The following HTT variants were observed in gnomAD, a reference collection of about 807,000 sequenced individuals.
The protein encoded by HTT is huntingtin.
A neutral mutation model predicts 362.3 loss-of-function variants in HTT; 104 were observed. The observed-to-expected ratio is 0.29, with a 90% CI of 0.24 to 0.34. The LOEUF (loss-of-function observed/expected upper bound fraction) is 0.34, where lower values mean the gene tolerates loss of function less well. Among genes scored for constraint, HTT ranks in the 10% least tolerant of loss-of-function variants. The pLI, the probability that HTT is intolerant of heterozygous loss-of-function variation, is 1.00. For missense variants in HTT, 3,301 were observed against 3,928.6 expected, an observed-to-expected ratio of 0.84 and a Z score of 4.27; for synonymous variants, 1,577 against 1,548.7, an observed-to-expected ratio of 1.02 and a Z score of -0.43.
At chr4:3,123,582 CAG>C (rs1715394462) in intron 10 of HTT, 1 of 152,180 alleles carries the variant, frequency 6.6e-6, no homozygotes, top group Non-Finnish European at 1.5e-5. Context: ...AGCTGCTGCT[CAG>C]GGGGCTGAGG....
At chr4:3,238,731 C>CG in intron 65 of HTT, 87 bp from the exon 66 acceptor site, 2 of 636,690 alleles carry the variant, frequency 3.1e-6, no homozygotes, top group Non-Finnish European at 5.2e-6. Context: ...ATGCCTCTGG[C>CG]CCCCACCCCA....
chr4:3,233,090 C>T (rs1444666786), intron 60 of HTT, 73 bp from the exon 61 acceptor site: 4 of 1,323,938 alleles, frequency 3.0e-6, no homozygotes, highest in Non-Finnish European at 3.2e-6. Context: ...GCGCCCCCGC[C>T]TCGGCTGTGG....
Position 3,074,935 on chromosome 4 carries a change from A to ACCGCCGCCGCCGCC in HTT, c.110_111insCCGCCGCCGCCGCC (p.Gln37HisfsTer69). The ACCGCCGCCGCCGCC allele has an allele frequency of 8.0e-7, 1 of 1,242,510 alleles. No homozygotes were observed. The highest frequency in any genetic ancestry group is 1.1e-6 in the Non-Finnish European group (1 of 936,360). The allele number at this position is 1,242,510 out of a possible 1,614,324, so 77.0% of individuals were successfully genotyped here. On this transcript the variant is annotated frameshift_variant, in exon 1 of 67. Coordinates refer to ENST00000355072, the MANE Select transcript of HTT (RefSeq NM_001388492.1). LOFTEE classifies it high-confidence loss of function. ...CAGCAGCAGCAGCAGCAGCAGCAGCAACAGCCGCCACCGCCGCCGCCGCCG... is the reference window on the plus strand; with the variant it reads ...CAGCAGCAGCAGCAGCAGCAGCAGCACCGCCGCCGCCGCCACAGCCGCCACCGCCGCCGCCGCCG...
At chr4:3,196,714 G>T (rs1036523467) in intron 40 of HTT, among the ~76,000 whole-genome samples, 6 of 150,988 alleles carry the variant, frequency 4.0e-5, no homozygotes, top group African/African-American at 1.2e-4. Context: ...CTCCAGTCTG[G>T]TCAAACAGAG....
intron 51 of HTT, among the ~76,000 whole-genome samples, chr4:3,216,697 C>T (rs925798313): frequency 6.6e-6 from 1 of 152,166 alleles, no homozygotes; most frequent in East Asian, 1.9e-4. Flanking sequence ...TTTTTAATCA[C>T]CTCGATAGGA....
intron 21 of HTT, among the ~76,000 whole-genome samples, chr4:3,136,854 G>A (rs1017761127): frequency 4.0e-5 from 6 of 151,754 alleles, no homozygotes; most frequent in African/African-American, 1.5e-4. Flanking sequence ...ATACATAAAT[G>A]TTTGTGTATA....
At chr4:3,164,680 T>C (rs1578552630) in intron 29 of HTT, among the ~76,000 whole-genome samples, 1 of 152,244 alleles carries the variant, frequency 6.6e-6, no homozygotes, top group African/African-American at 2.4e-5. Context: ...TGTAATGGCC[T>C]TCTTTGTCTC....
At chr4:3,084,339 G>A (rs988335947) in intron 1 of HTT, among the ~76,000 whole-genome samples, 3 of 151,464 alleles carry the variant, frequency 2.0e-5, no homozygotes, top group Non-Finnish European at 4.4e-5. Flanking sequence ...CATGTTCAGA[G>A]TGAAACAAAC....
intron 1 of HTT, among the ~76,000 whole-genome samples, chr4:3,084,487 C>T (rs1037782671): frequency 3.3e-5 from 5 of 151,358 alleles, no homozygotes; most frequent in African/African-American, 9.7e-5. Context: ...GTCAGGAGTT[C>T]GAGACCAGCC....
intron 27 of HTT, among the ~76,000 whole-genome samples, chr4:3,155,297 G>A (rs1717086431): frequency 6.6e-6 from 1 of 151,482 alleles, no homozygotes; most frequent in African/African-American, 2.4e-5. Context: ...TCTCGGCTCA[G>A]TGCAAGCTCT....
rs1011211829 is a variant in HTT at position 3,242,588 on chromosome 4, A to G, written c.*2529A>G. 2 of 152,216 alleles carry G rather than the reference A, an allele frequency of 1.3e-5. No individual in the cohort carries two copies. Among genetic ancestry groups the G allele is most frequent in the Non-Finnish European group, 2.9e-5 (2 of 68,056 alleles). The allele number at this position is 152,216 out of a possible 1,614,324, so 9.4% of individuals were successfully genotyped here. ...GGGCAGGGCTCATTCATTGCCCACT[A>G]GGATCCCACTGGCGAAGATGGTCTC... On this transcript the variant is annotated 3_prime_UTR_variant, in exon 67 of 67. Transcript: ENST00000355072.
intron 2 of HTT, among the ~76,000 whole-genome samples, chr4:3,088,678 C>G (rs1255164982): frequency 2.6e-5 from 4 of 152,006 alleles, no homozygotes; most frequent in Admixed American, 2.0e-4. Context: ...TTTCTACTTT[C>G]TGTCTGTATG....
At chr4:3,110,557 G>C (rs1269639844) in intron 6 of HTT, among the ~76,000 whole-genome samples, 1 of 152,192 alleles carries the variant, frequency 6.6e-6, no homozygotes, top group East Asian at 1.9e-4. Context: ...AGCTTCCTGA[G>C]AGAAGATGAA....
At chr4:3,233,514 A>G (rs362314) in intron 61 of HTT, among the ~76,000 whole-genome samples, 161 bp downstream of exon 61, 68,502 of 152,010 alleles carry the variant, frequency 0.45, 15,943 homozygotes, top group African/African-American at 0.54. Flanking sequence ...GAGACGCAAG[A>G]GCACAGGTGC....
chr4:3,105,257 A>C, intron 4 of HTT, 100 bp from the exon 5 acceptor site: 1 of 804,550 alleles, frequency 1.2e-6, no homozygotes, highest in South Asian at 1.5e-5. Flanking sequence ...CTTTTCTCTA[A>C]AATTAGAAAG....
Position 3,215,160 on chromosome 4 carries a change from A to G in HTT, c.7003A>G (p.Thr2335Ala). ...QLLSPERRTN[T>A]PKAISEEEEE... Reference sequence around the variant, plus strand: ...TCTTAGTCCAGAAAGAAGGACAAATACCCCAAAAGCCATCAGCGAGGAGGA... The same window carrying G: ...TCTTAGTCCAGAAAGAAGGACAAATGCCCCAAAAGCCATCAGCGAGGAGGA... Residue 2335 changes from threonine (T) to alanine (A), a missense_variant, in exon 51 of 67, where the codon ACC (threonine) becomes GCC (alanine). Around this residue, in one of 4 missense-constraint regions of HTT, gnomAD observed 220 missense variants for 218.5 expected, o/e 1.01. Transcript: ENST00000355072. 5 of 1,614,152 alleles carry G rather than the reference A, an allele frequency of 3.1e-6. No homozygotes were observed. The highest frequency in any genetic ancestry group is 4.2e-6 in the Non-Finnish European group (5 of 1,180,010).
chr4:3,202,159 G>C (rs1056366026), intron 41 of HTT, among the ~76,000 whole-genome samples: 12 of 152,170 alleles, frequency 7.9e-5, no homozygotes, highest in Admixed American at 2.0e-4. Flanking sequence ...TTTGGCGCTT[G>C]TGGGTGTGTT....
At chr4:3,238,388 G>C in intron 64 of HTT, 59 bp from the exon 65 acceptor site, 1 of 1,362,556 alleles carries the variant, frequency 7.3e-7, no homozygotes, top group Middle Eastern at 1.8e-4. Context: ...GCCCTCCGCG[G>C]GCAGGTGGGG....
chr4:3,215,532 C>A (rs1019889101), intron 51 of HTT, among the ~76,000 whole-genome samples: 1 of 152,178 alleles, frequency 6.6e-6, no homozygotes, highest in Admixed American at 6.5e-5. Flanking sequence ...GGGCAGGGAA[C>A]AGGTTTGTCT....
Sources: gnomAD v4.1 joint callset for allele counts (sites outside exome capture counted in the v4.1 genomes callset) on GRCh38, gnomAD v4.1.1 for gene constraint, gnomAD v4.1.1 regional missense constraint, MANE v1.5 for transcripts, NCBI Gene and HGNC (gene_info 2026-07-23, HGNC 2026-07-21) for gene names.